Variants in PTPRD observed in about 807,000 individuals in gnomAD.
The protein encoded by PTPRD is receptor-type tyrosine-protein phosphatase delta.
A neutral mutation model predicts 214.5 loss-of-function variants in PTPRD; 34 were observed. That is an observed-to-expected ratio of 0.16 (90% CI 0.12 to 0.21). PTPRD has a LOEUF of 0.21. PTPRD is among the 10% of genes least tolerant of loss of function. The probability of loss-of-function intolerance (pLI) is 1.00; values close to 1 mark genes in which losing one functional copy is unlikely to be tolerated. For synonymous variants in PTPRD, 1,128 were observed against 845.7 expected (o/e 1.33, Z -5.79); for missense variants, 2,545 against 2,398.7 (o/e 1.06, Z -1.27).
At chr9:10,298,805 A>G (rs900419530) in intron 3 of PTPRD, among the ~76,000 whole-genome samples, 1 of 152,088 alleles carries the variant, frequency 6.6e-6, no homozygotes, top group Non-Finnish European at 1.5e-5. Flanking sequence ...TAGTTCCATG[A>G]CATTTAATTT....
At chr9:8,859,804 T>TG (rs140012420) in intron 11 of PTPRD, among the ~76,000 whole-genome samples, 34,739 of 140,748 alleles carry the variant, frequency 0.25, 5,294 homozygotes, top group Middle Eastern at 0.4. Context: ...TCCAGCAATT[T>TG]GGGGGTGGGG....
At chr9:10,363,539 G>C (rs879712496) in intron 2 of PTPRD, among the ~76,000 whole-genome samples, 18 of 152,186 alleles carry the variant, frequency 1.2e-4, no homozygotes, top group Non-Finnish European at 1.9e-4. Context: ...GCAATGATTT[G>C]TCTGGATATT....
rs546457485 is a variant in PTPRD at position 10,543,298 on chromosome 9, A to G, written c.-600+69100T>C. 2.0e-4 allele frequency among the ~76,000 whole-genome samples: 30 copies of G among 152,236 alleles called. 1 individual carries two copies. The East Asian group carries it at 5.8e-3, about 29-fold the overall frequency. ...AAAGCAATTTATGAAATATTATATA[A>G]TTTACTTATATAATTTGATTTCGGA... On this transcript the variant is annotated intron_variant, in intron 2 of 45. Transcript: ENST00000381196.
intron 11 of PTPRD, among the ~76,000 whole-genome samples, chr9:9,018,183 C>G (rs994085982): frequency 2.6e-5 from 4 of 152,108 alleles, no homozygotes; most frequent in African/African-American, 9.7e-5. Context: ...CCCAACACAT[C>G]TCATTCCACT....
At chr9:9,102,440 T>C (rs2099792679) in intron 10 of PTPRD, among the ~76,000 whole-genome samples, 1 of 152,150 alleles carries the variant, frequency 6.6e-6, no homozygotes. Context: ...TTCCAAGTCA[T>C]CCAAAGATAA....
At chr9:8,422,726 T>C (rs1046491331) in intron 35 of PTPRD, among the ~76,000 whole-genome samples, 1 of 152,154 alleles carries the variant, frequency 6.6e-6, no homozygotes, top group South Asian at 2.1e-4. Flanking sequence ...ACAGAAGGAA[T>C]AGAAAAAGAA....
At chr9:8,927,041 G>A (rs1013733171) in intron 11 of PTPRD, among the ~76,000 whole-genome samples, 1 of 152,000 alleles carries the variant, frequency 6.6e-6, no homozygotes. Context: ...AGGAAACTGA[G>A]GTCCAGACAT....
At chr9:8,321,700 T>A (rs1828416719) in intron 44 of PTPRD, among the ~76,000 whole-genome samples, 2 of 151,672 alleles carry the variant, frequency 1.3e-5, no homozygotes, top group Admixed American at 1.3e-4. Flanking sequence ...CCTTAGAGAT[T>A]ATTTTAGAAA....
At chr9:8,928,703 A>G (rs933906169) in intron 11 of PTPRD, among the ~76,000 whole-genome samples, 1 of 152,158 alleles carries the variant, frequency 6.6e-6, no homozygotes, top group African/African-American at 2.4e-5. Context: ...TGAAATTTAA[A>G]GTAGCTTTTT....
At chr9:8,484,647 T>C (rs1354696611) in intron 29 of PTPRD, among the ~76,000 whole-genome samples, 1 of 151,808 alleles carries the variant, frequency 6.6e-6, no homozygotes, top group East Asian at 1.9e-4. Context: ...AACTTATCAA[T>C]ATTAGACCTG....
intron 11 of PTPRD, among the ~76,000 whole-genome samples, chr9:8,982,818 C>T (rs999395874): frequency 2.0e-5 from 3 of 151,934 alleles, no homozygotes; most frequent in Non-Finnish European, 4.4e-5. Context: ...ATATTCAGAA[C>T]TGCTTATATT....
At chr9:9,396,054 G>A (rs1270389205) in intron 9 of PTPRD, among the ~76,000 whole-genome samples, 1 of 151,952 alleles carries the variant, frequency 6.6e-6, no homozygotes, top group African/African-American at 2.4e-5. Flanking sequence ...GTTTACCCTG[G>A]AATAATTAGG....
intron 8 of PTPRD, among the ~76,000 whole-genome samples, chr9:9,499,517 A>C (rs1313145547): frequency 6.6e-6 from 1 of 152,058 alleles, no homozygotes; most frequent in Non-Finnish European, 1.5e-5. Context: ...ATATACAAAA[A>C]CTCATTTATC....
intron 8 of PTPRD, among the ~76,000 whole-genome samples, chr9:9,564,755 G>A (rs926716948): frequency 6.6e-6 from 1 of 151,720 alleles, no homozygotes; most frequent in South Asian, 2.1e-4. Context: ...CCTAACTCTA[G>A]TTCAGTGACT....
intron 11 of PTPRD, among the ~76,000 whole-genome samples, chr9:8,929,002 G>A (rs1447570264): frequency 6.6e-6 from 1 of 152,128 alleles, no homozygotes; most frequent in African/African-American, 2.4e-5. Flanking sequence ...TATTATTGGT[G>A]TATAGGAATG....
intron 8 of PTPRD, among the ~76,000 whole-genome samples, chr9:9,500,831 T>C (rs1162658316): frequency 1.3e-5 from 2 of 152,064 alleles, no homozygotes; most frequent in Non-Finnish European, 2.9e-5. Flanking sequence ...ACAATAGATG[T>C]AGAATTGAAA....
intron 4 of PTPRD, among the ~76,000 whole-genome samples, chr9:10,027,271 G>T (rs10809017): frequency 6.6e-6 from 1 of 151,984 alleles, no homozygotes; most frequent in Non-Finnish European, 1.5e-5. Flanking sequence ...TGAATAAATG[G>T]GAACTTTTCA....
At chr9:8,765,213 A>T (rs977726279) in intron 11 of PTPRD, among the ~76,000 whole-genome samples, 9 of 152,250 alleles carry the variant, frequency 5.9e-5, no homozygotes, top group Non-Finnish European at 7.3e-5. Flanking sequence ...TCCCCTCAAA[A>T]GATGGAGCAT....
At chr9:10,194,015 G>A (rs147603737) in intron 3 of PTPRD, among the ~76,000 whole-genome samples, 242 of 152,096 alleles carry the variant, frequency 1.6e-3, no homozygotes, top group African/African-American at 5.4e-3. Flanking sequence ...ACCTATTTAT[G>A]TTCACCTCTT....
Sources: allele counts gnomAD v4.1 joint callset (sites outside exome capture counted in the v4.1 genomes callset), GRCh38; gene constraint gnomAD v4.1.1; transcripts MANE v1.5; gene names NCBI Gene and HGNC (gene_info 2026-07-23, HGNC 2026-07-21).